TMEM267: variants seen among roughly 807,000 people sequenced by gnomAD.
TMEM267 encodes transmembrane protein 267.
A neutral mutation model predicts 19.3 loss-of-function variants in TMEM267; 20 were observed. That is an observed-to-expected ratio of 1.04 (90% CI 0.73 to 1.51). The LOEUF (loss-of-function observed/expected upper bound fraction) is 1.51, where lower values mean the gene tolerates loss of function less well. TMEM267 is among the 40% of genes most tolerant of loss of function. The pLI is 0.00. For missense variants in TMEM267, 242 were observed against 261.9 expected (o/e 0.92, Z 0.52); for synonymous variants, 88 against 90.3 (o/e 0.97, Z 0.15).
At position 43,456,710 on chromosome 5, in the gene TMEM267, C is replaced by T. The variant is rs553880497; in HGVS notation, c.-74-2667G>A. Among the ~76,000 whole-genome samples, 41 of 152,310 alleles carry T rather than the reference C, an allele frequency of 2.7e-4. No homozygotes were observed. In the South Asian group the frequency reaches 8.1e-3, roughly 30 times the overall value. ...CAAATTTTAAAAATTAGATATCACA[C>T]ACCTGTTAAATGGCTAAAATTAAAG... is the stretch of plus-strand genomic sequence containing the variant. On this transcript the variant is annotated intron_variant, in intron 1 of 2. Transcript: ENST00000397080.
Position 43,466,924 on chromosome 5 carries a change from C to T in TMEM267, c.-74-12881G>A, listed in dbSNP as rs530062643. On this transcript the variant is annotated intron_variant, in intron 1 of 2. Transcript: ENST00000397080. The stretch of plus-strand genomic sequence containing the variant: ...AGCACTTTGGGAAAGCAAGGTGAGT[C>T]GATCATTTGAGGTCAGGAGTTTGAG... 6.2e-4 allele frequency among the ~76,000 whole-genome samples: 94 copies of T among 151,864 alleles called. 1 individual carries two copies. Among genetic ancestry groups the T allele is most frequent in the Non-Finnish European group, 8.8e-5 (6 of 67,930 alleles).
chr5:43,449,092 A>G (rs1044858419), intron 2 of TMEM267, among the ~76,000 whole-genome samples: 8 of 152,058 alleles, frequency 5.3e-5, no homozygotes, highest in African/African-American at 1.9e-4. Flanking sequence ...TGAAAGTTTA[A>G]TAAGGCACAC....
rs1742152508 is a variant in TMEM267, at chr5:43,444,799, AT to A, written c.*1422del. 1 of 152,156 alleles carries A rather than the reference AT, an allele frequency of 6.6e-6. No individual in the cohort carries two copies. The highest frequency in any genetic ancestry group is 6.5e-5 in the Admixed American group (1 of 15,274). The allele number at this position is 152,156 out of a possible 1,614,324, so 9.4% of individuals were successfully genotyped here. ...CCATTATACCAACCAAACTTATACA[AT>A]AATTACTCTTGAAAAATAAGTAGAC... On this transcript the variant is annotated 3_prime_UTR_variant, in exon 3 of 3. Transcript: ENST00000397080.
chr5:43,473,211 C>T (rs903820742), intron 1 of TMEM267, among the ~76,000 whole-genome samples: 11 of 148,098 alleles, frequency 7.4e-5, no homozygotes, highest in Non-Finnish European at 1.3e-4. Context: ...AGGGTAACTA[C>T]AGTGAATAAT....
chr5:43,449,114 A>G (rs1742428793), intron 2 of TMEM267, among the ~76,000 whole-genome samples: 1 of 152,056 alleles, frequency 6.6e-6, no homozygotes, highest in African/African-American at 2.4e-5. Context: ...GAAAAAATTA[A>G]TACAAAAATT....
chr5:43,471,779 T>C (rs1312694935), intron 1 of TMEM267, among the ~76,000 whole-genome samples: 1 of 152,150 alleles, frequency 6.6e-6, no homozygotes. Flanking sequence ...TCACACCATA[T>C]ACAAAAATCA....
At chr5:43,462,783 G>A (rs564557071) in intron 1 of TMEM267, among the ~76,000 whole-genome samples, 3 of 152,184 alleles carry the variant, frequency 2.0e-5, no homozygotes, top group African/African-American at 7.2e-5. Flanking sequence ...ACACATACAG[G>A]ATCTAAAAAA....
At chr5:43,471,672 G>A (rs1435548968) in intron 1 of TMEM267, among the ~76,000 whole-genome samples, 1 of 152,126 alleles carries the variant, frequency 6.6e-6, no homozygotes, top group Non-Finnish European at 1.5e-5. Flanking sequence ...TGACAAAGGT[G>A]CCAAGAACAT....
intron 1 of TMEM267, among the ~76,000 whole-genome samples, chr5:43,455,710 G>A (rs1167084832): frequency 6.6e-6 from 1 of 152,056 alleles, no homozygotes; most frequent in East Asian, 1.9e-4. Context: ...ACCATGCCTG[G>A]CTAATTTTTT....
intron 1 of TMEM267, among the ~76,000 whole-genome samples, chr5:43,482,844 C>T (rs995838455): frequency 6.6e-6 from 1 of 152,196 alleles, no homozygotes; most frequent in African/African-American, 2.4e-5. Flanking sequence ...ATTAGCTGGT[C>T]ACTTTAATTA....
At chr5:43,460,790 G>A (rs921866279) in intron 1 of TMEM267, among the ~76,000 whole-genome samples, 1 of 152,218 alleles carries the variant, frequency 6.6e-6, no homozygotes. Flanking sequence ...CCAAGCCAGA[G>A]GGGAAATGCC....
At chr5:43,466,130 T>C (rs1743657582) in intron 1 of TMEM267, among the ~76,000 whole-genome samples, 1 of 152,118 alleles carries the variant, frequency 6.6e-6, no homozygotes, top group Admixed American at 6.5e-5. Flanking sequence ...TAGATATCGC[T>C]ATCCAAGTAC....
At position 43,453,717 on chromosome 5, in the gene TMEM267, A is replaced by T. The variant is rs766690171; in HGVS notation, c.253T>A (p.Phe85Ile). The change falls in exon 2 of 3, where the codon TTT (phenylalanine) becomes ATT (isoleucine). Residue 85 changes from phenylalanine (F) to isoleucine (I), a missense_variant. Physicochemically the swap from Phe to Ile is conservative, Grantham distance 21. Coordinates refer to ENST00000397080, the MANE Select transcript of TMEM267 (RefSeq NM_022483.5). ...TDFGEIILAG[F>I]LASVIDVDHF... ...TCTACATCAATAACAGAGGCTAAAA[A>T]TCCAGCTAAAATGATTTCTCCAAAG... 1.2e-6 allele frequency: 2 copies of T among 1,614,026 alleles called. No homozygotes were observed. The highest frequency in any genetic ancestry group is 2.7e-5 in the African/African-American group (2 of 74,950).
rs550286088 is a variant in TMEM267 at position 43,450,100 on chromosome 5, T to G, written c.313-3543A>C. Among the ~76,000 whole-genome samples the G allele has an allele frequency of 2.0e-5, 3 of 152,008 alleles. No individual in the cohort carries two copies. In the East Asian group the frequency reaches 5.8e-4, roughly 29 times the overall value. The stretch of plus-strand genomic sequence containing the variant: ...ACCTCAAACTCCTGGGCTCAAGTGA[T>G]CCTCTTGCCTCAGCCTCCTGATTAG... On this transcript the variant is annotated intron_variant, in intron 2 of 2. Transcript: ENST00000397080.
chr5:43,463,827 G>C (rs987536254), intron 1 of TMEM267, among the ~76,000 whole-genome samples: 4 of 152,204 alleles, frequency 2.6e-5, no homozygotes, highest in Non-Finnish European at 2.9e-5. Flanking sequence ...AGCTATCTAT[G>C]ACAAACGCAC....
chr5:43,459,268 A>C (rs1249950745), intron 1 of TMEM267, among the ~76,000 whole-genome samples: 1 of 152,162 alleles, frequency 6.6e-6, no homozygotes, highest in Non-Finnish European at 1.5e-5. Context: ...GGAGACAAAT[A>C]AAGAAAATTT....
In TMEM267 at chr5:43,445,019, C is replaced by T. The variant is rs986897601; in HGVS notation, c.*1203G>A. On this transcript the variant is annotated 3_prime_UTR_variant, in exon 3 of 3. Transcript: ENST00000397080. ...CATCTTTCCTCAGAGAATAAGGCAC[C>T]AATCACTAACATTATAAATCACAAA... 8.6e-5 allele frequency: 13 copies of T among 152,044 alleles called. No homozygotes were observed. Among genetic ancestry groups the T allele is most frequent in the African/African-American group, 2.9e-4 (12 of 41,384 alleles). The allele number at this position is 152,044 out of a possible 1,614,324, so 9.4% of individuals were successfully genotyped here.
chr5:43,465,981 G>GA (rs1015274946), intron 1 of TMEM267, among the ~76,000 whole-genome samples: 2 of 144,520 alleles, frequency 1.4e-5, no homozygotes, highest in Non-Finnish European at 3.0e-5. Flanking sequence ...AAAAAGAAAA[G>GA]AAAAAAAAAG....
intron 1 of TMEM267, among the ~76,000 whole-genome samples, chr5:43,465,584 T>G (rs4866744): frequency 0.61 from 92,701 of 151,732 alleles, 31,000 homozygotes; most frequent in African/African-American, 0.89. Context: ...TAGACTGGAT[T>G]AAGAACATGT....
Sources: gnomAD v4.1 joint callset for allele counts (sites outside exome capture counted in the v4.1 genomes callset) on GRCh38, gnomAD v4.1.1 for gene constraint, MANE v1.5 for transcripts, NCBI Gene and HGNC (gene_info 2026-07-23, HGNC 2026-07-21) for gene names.